NBEA: variants seen among roughly 807,000 people sequenced by gnomAD.
NBEA encodes lysosomal-trafficking regulator 2.
Under a neutral mutation model 343.4 loss-of-function variants are expected in NBEA, and 44 were observed. The ratio of observed to expected loss-of-function variants is 0.13; its 90% CI spans 0.10 to 0.16. The LOEUF is 0.16. NBEA is among the 10% of genes least tolerant of loss of function. The pLI is 1.00. For missense variants in NBEA, 2,555 were observed against 3,631.3 expected (o/e 0.70, Z 7.62); for synonymous variants, 1,175 against 1,238.7 (o/e 0.95, Z 1.08).
At chr13:34,996,899 G>A (rs2060962033) in intron 1 of NBEA, among the ~76,000 whole-genome samples, 1 of 152,012 alleles carries the variant, frequency 6.6e-6, no homozygotes, top group Non-Finnish European at 1.5e-5. Flanking sequence ...ATTGCTCCAT[G>A]GTCACTATTG....
intron 52 of NBEA, 56 bp downstream of exon 52, chr13:35,649,903 G>T: frequency 7.0e-7 from 1 of 1,421,988 alleles, no homozygotes; most frequent in South Asian, 1.2e-5. Flanking sequence ...TACAATTAAA[G>T]TAAAAAAGTG....
chr13:35,164,504 C>A lies in NBEA; in HGVS notation c.4228C>A (p.Pro1410Thr), dbSNP rs772119408. Residue 1410 changes from proline to threonine, a missense_variant, in exon 24 of 59, where the codon CCA (proline) becomes ACA (threonine). By Grantham distance (38) the Pro-to-Thr change is conservative (BLOSUM62 -1). Around this residue, in one of 21 missense-constraint regions of NBEA, gnomAD observed 168 missense variants for 193.0 expected, o/e 0.87. Transcript: ENST00000379939. ...ILPLLSAATS[P>T]TGSKTELENI... ...ACCTTTGCTCTCTGCTGCTACATCA[C>A]CAACTGTAAGTACTTTGCCTCCATC... 3.1e-6 allele frequency: 5 copies of A among 1,609,390 alleles called. No individual in the cohort carries two copies. The highest frequency in any genetic ancestry group is 3.4e-5 in the Admixed American group (2 of 59,536).
intron 34 of NBEA, among the ~76,000 whole-genome samples, chr13:35,271,494 G>A (rs1028514864): frequency 3.3e-5 from 5 of 152,196 alleles, no homozygotes; most frequent in African/African-American, 7.2e-5. Flanking sequence ...AACAAAACTG[G>A]ATGGAGAATG....
chr13:35,105,218 C>A (rs1309713861), intron 11 of NBEA, among the ~76,000 whole-genome samples: 2 of 152,066 alleles, frequency 1.3e-5, no homozygotes, highest in African/African-American at 4.8e-5. Context: ...ACTTCATTTT[C>A]TTTCTGTCCT....
At chr13:35,262,573 T>A (rs141854866) in intron 34 of NBEA, among the ~76,000 whole-genome samples, 14 of 152,300 alleles carry the variant, frequency 9.2e-5, no homozygotes, top group Admixed American at 3.9e-4. Context: ...GAAAACTCAT[T>A]TCAAAAAGTT....
At chr13:35,244,023 A>T (rs1305757541) in intron 34 of NBEA, among the ~76,000 whole-genome samples, 1 of 151,900 alleles carries the variant, frequency 6.6e-6, no homozygotes, top group African/African-American at 2.4e-5. Flanking sequence ...ATACATTAAG[A>T]CCATATGTTA....
At chr13:35,647,411 T>TGG (rs925639963) in intron 51 of NBEA, among the ~76,000 whole-genome samples, 7 of 152,192 alleles carry the variant, frequency 4.6e-5, no homozygotes, top group Non-Finnish European at 1.0e-4. Context: ...GATGGAAGTA[T>TGG]TAATCACACC....
At chr13:35,606,020 A>G (rs1188091906) in intron 47 of NBEA, among the ~76,000 whole-genome samples, 1 of 152,134 alleles carries the variant, frequency 6.6e-6, no homozygotes, top group Non-Finnish European at 1.5e-5. Context: ...AAATACTGGC[A>G]ATTAGTTTTT....
In NBEA at chr13:35,308,542, A is replaced by ATATATGTATATATATG. The variant is rs1555361137; in HGVS notation, c.5839-981_5839-980insGTATATATATGTATAT. 2.7e-3 allele frequency among the ~76,000 whole-genome samples: 223 copies of ATATATGTATATATATG among 81,498 alleles called. 15 individuals are homozygous for ATATATGTATATATATG. The highest frequency in any genetic ancestry group is 4.5e-3 in the South Asian group (11 of 2,462). 53.5% of individuals were successfully genotyped at this position (81,498 alleles called of 152,430 possible). A position where few individuals can be genotyped will look rare whatever the true frequency, so the allele number is the denominator to read the frequency against. ...TATATGTATATATATGTATATATGT[A>ATATATGTATATATATG]TATATATGTATATATGTATATATGT... is the stretch of plus-strand genomic sequence containing the variant. On this transcript the variant is annotated intron_variant, in intron 35 of 58. Transcript: ENST00000379939.
At chr13:35,616,311 T>C (rs1465868570) in intron 48 of NBEA, among the ~76,000 whole-genome samples, 1 of 152,222 alleles carries the variant, frequency 6.6e-6, no homozygotes, top group East Asian at 1.9e-4. Flanking sequence ...AGTAGAATAA[T>C]ACTGTTTCTA....
chr13:35,074,249 TGGATG>T (rs1020290800), intron 10 of NBEA, among the ~76,000 whole-genome samples: 5 of 152,168 alleles, frequency 3.3e-5, no homozygotes, highest in African/African-American at 1.2e-4. Flanking sequence ...TCCTTTGAAT[TGGATG>T]ATTATGTAGA....
At chr13:35,307,885 A>G (rs929241518) in intron 35 of NBEA, among the ~76,000 whole-genome samples, 1 of 152,082 alleles carries the variant, frequency 6.6e-6, no homozygotes, top group Non-Finnish European at 1.5e-5. Flanking sequence ...TAATTGTTTT[A>G]TACAGAAATT....
chr13:35,478,440 C>T (rs1296517628), intron 41 of NBEA, among the ~76,000 whole-genome samples: 1 of 152,174 alleles, frequency 6.6e-6, no homozygotes, highest in Non-Finnish European at 1.5e-5. Context: ...GCCACGACGG[C>T]GAGGATGTGC....
At chr13:35,621,680 A>G (rs2082998675) in intron 48 of NBEA, among the ~76,000 whole-genome samples, 1 of 152,134 alleles carries the variant, frequency 6.6e-6, no homozygotes, top group African/African-American at 2.4e-5. Flanking sequence ...TGAATGAATG[A>G]GCTTCTTCCC....
chr13:35,129,496 C>G (rs143352285), intron 17 of NBEA, among the ~76,000 whole-genome samples: 1 of 151,768 alleles, frequency 6.6e-6, no homozygotes, highest in East Asian at 1.9e-4. Context: ...CAATGAACAC[C>G]TATATGGAAA....
chr13:35,548,117 G>A (rs560608657), intron 41 of NBEA, among the ~76,000 whole-genome samples: 1 of 152,246 alleles, frequency 6.6e-6, no homozygotes, highest in Admixed American at 6.5e-5. Context: ...GGTCTCTTCA[G>A]TGCCCTTTCC....
intron 1 of NBEA, among the ~76,000 whole-genome samples, chr13:34,977,246 A>G (rs2060210510): frequency 3.3e-5 from 5 of 149,802 alleles, no homozygotes. Flanking sequence ...AGCTAGACCT[A>G]TTACCTTTGC....
intron 10 of NBEA, among the ~76,000 whole-genome samples, chr13:35,074,300 G>A (rs1260890531): frequency 1.3e-5 from 2 of 151,992 alleles, no homozygotes; most frequent in Admixed American, 1.3e-4. Flanking sequence ...ATGTTATTGA[G>A]TACATACATC....
At chr13:35,449,727 C>G (rs2046211949) in intron 39 of NBEA, among the ~76,000 whole-genome samples, 2 of 152,136 alleles carry the variant, frequency 1.3e-5, no homozygotes, top group Admixed American at 1.3e-4. Flanking sequence ...TGATCTATCC[C>G]TAATCTTTTA....
Sources: allele counts gnomAD v4.1 joint callset (sites outside exome capture counted in the v4.1 genomes callset), GRCh38; gene constraint gnomAD v4.1.1; regional missense constraint gnomAD v4.1.1; transcripts MANE v1.5; gene names NCBI Gene and HGNC (gene_info 2026-07-23, HGNC 2026-07-21).